Variants in FLNB observed in about 807,000 individuals in gnomAD.
The protein encoded by FLNB is filamin B, also known as filamin-B.
A neutral mutation model predicts 250.6 loss-of-function variants in FLNB; 111 were observed. The observed-to-expected ratio is 0.44, with a 90% CI of 0.38 to 0.52. FLNB has a LOEUF of 0.52. Ranked by LOEUF, FLNB falls within the 20% of genes least tolerant of loss-of-function variation. FLNB has a pLI of 0.00. For synonymous variants in FLNB, 1,302 were observed against 1,372.1 expected (o/e 0.95, Z 1.13); for missense variants, 2,869 against 3,447.8 (o/e 0.83, Z 4.20).
intron 1 of FLNB, among the ~76,000 whole-genome samples, chr3:58,051,317 C>G (rs564189265): frequency 2.0e-5 from 3 of 152,296 alleles, no homozygotes; most frequent in African/African-American, 7.2e-5. Flanking sequence ...AGGGACTGGC[C>G]GAATCATCCC....
chr3:58,106,492 A>T (rs529955034), intron 11 of FLNB, among the ~76,000 whole-genome samples, 188 bp from the exon 12 acceptor site: 10 of 151,014 alleles, frequency 6.6e-5, no homozygotes, highest in Admixed American at 4.6e-4. Context: ...ATATATATAT[A>T]TTTTCCACCC....
At chr3:58,078,997 G>T (rs1218884208) in intron 3 of FLNB, among the ~76,000 whole-genome samples, 183 bp downstream of exon 3, 13 of 152,192 alleles carry the variant, frequency 8.5e-5, no homozygotes, top group Middle Eastern at 3.2e-3. Context: ...TGACTCAGGT[G>T]CTTATAGATC....
intron 43 of FLNB, among the ~76,000 whole-genome samples, chr3:58,167,460 A>G (rs2097372633): frequency 6.6e-6 from 1 of 152,214 alleles, no homozygotes; most frequent in Non-Finnish European, 1.5e-5. Flanking sequence ...AAACCAAAAT[A>G]TTTCCCAGCT....
chr3:58,026,942 C>T lies in FLNB; in HGVS notation c.292+18086C>T, dbSNP rs116612341. On this transcript the variant is annotated intron_variant, in intron 1 of 45. Transcript: ENST00000295956. ...AATTCGTCAGCCTGGGTACTTTTTCCATGTGATGGGGCAAAAATTTAAAAC... is the reference window on the plus strand; with the variant it reads ...AATTCGTCAGCCTGGGTACTTTTTCTATGTGATGGGGCAAAAATTTAAAAC... 4.8e-3 allele frequency among the ~76,000 whole-genome samples: 727 copies of T among 152,204 alleles called. 8 individuals carry two copies. Among genetic ancestry groups the T allele is most frequent in the African/African-American group, 0.017 (696 of 41,522 alleles).
intron 1 of FLNB, among the ~76,000 whole-genome samples, chr3:58,013,945 G>A (rs1377722156): frequency 1.3e-5 from 2 of 152,194 alleles, no homozygotes; most frequent in African/African-American, 4.8e-5. Context: ...AAGGATTCTT[G>A]GTTCAAATCC....
chr3:58,156,024 G>A lies in FLNB; in HGVS notation c.6837G>A (p.Pro2279=), dbSNP rs146734593. Residue 2279 remains proline (P), a synonymous_variant, in exon 41 of 46, where the codon CCG becomes CCA. Transcript: ENST00000295956. The part of the protein sequence containing the change: ...EHIPESPYLV[P]VIAPSDDARR... ...TCCCGGAAAGCCCCTACCTGGTGCC[G>A]GTCATCGCACCCTCCGACGACGCCC... The A allele has an allele frequency of 7.2e-5, 116 of 1,614,124 alleles. No individual in the cohort carries two copies. The highest frequency in any genetic ancestry group is 6.3e-4 in the Admixed American group (38 of 60,026).
intron 1 of FLNB, among the ~76,000 whole-genome samples, chr3:58,020,007 C>T (rs2097111294): frequency 6.6e-6 from 1 of 151,530 alleles, no homozygotes; most frequent in African/African-American, 2.4e-5. Context: ...TGGAACTCCC[C>T]CTGGCTGCAG....
intron 12 of FLNB, among the ~76,000 whole-genome samples, chr3:58,107,438 T>C (rs1252287087): frequency 6.6e-6 from 1 of 152,188 alleles, no homozygotes; most frequent in Non-Finnish European, 1.5e-5. Context: ...ACAGGAATGA[T>C]AGTAGTCTCT....
chr3:58,096,000 G>T, intron 5 of FLNB, 141 bp from the exon 6 acceptor site: 1 of 702,642 alleles, frequency 1.4e-6, no homozygotes, highest in South Asian at 1.5e-5. Flanking sequence ...TCTCTCTAGG[G>T]GCGTTGTGCA....
chr3:58,104,167 C>A, intron 10 of FLNB, 82 bp downstream of exon 10: 1 of 1,444,794 alleles, frequency 6.9e-7, no homozygotes, highest in Non-Finnish European at 9.5e-7. Flanking sequence ...TCCCGGGCTG[C>A]AGGAGGGAAA....
intron 8 of FLNB, among the ~76,000 whole-genome samples, chr3:58,101,567 A>G (rs543575957): frequency 1.5e-4 from 23 of 152,328 alleles, no homozygotes; most frequent in Admixed American, 1.4e-3. Context: ...GAAATCAGCA[A>G]TGGTGTTTAC....
intron 1 of FLNB, among the ~76,000 whole-genome samples, chr3:58,041,218 C>T (rs1183547366): frequency 6.6e-6 from 1 of 152,186 alleles, no homozygotes; most frequent in Non-Finnish European, 1.5e-5. Context: ...TAACTTGATT[C>T]TTTTTGCTTT....
chr3:58,109,064 G>T lies in FLNB; in HGVS notation c.2056-115G>T, dbSNP rs2097264260. 6 of 1,224,474 alleles carry T rather than the reference G, an allele frequency of 4.9e-6. No homozygotes were observed. In the South Asian group the frequency reaches 5.0e-5, roughly 10 times the overall value. The allele number at this position is 1,224,474 out of a possible 1,614,324, so 75.9% of individuals were successfully genotyped here. A position where few individuals can be genotyped will look rare whatever the true frequency, so the allele number is the denominator to read the frequency against. On this transcript the variant is annotated intron_variant, in intron 13 of 45. Coordinates refer to ENST00000295956, the MANE Select transcript of FLNB (RefSeq NM_001457.4). The stretch of plus-strand genomic sequence containing the variant: ...ATATGGCACATTGTAGTTGGTCCAT[G>T]AAGTTTTGTTGTATAAGCAAGTGGT...
chr3:58,097,110 A>G (rs996610176), intron 6 of FLNB, among the ~76,000 whole-genome samples: 1 of 152,206 alleles, frequency 6.6e-6, no homozygotes, highest in East Asian at 1.9e-4. Context: ...TCAACAGCAC[A>G]TAAAGGCCAA....
Position 58,125,594 on chromosome 3 carries a change from G to A in FLNB, c.3912G>A (p.Val1304=). 1 of 1,614,196 alleles carries A rather than the reference G, an allele frequency of 6.2e-7. No individual in the cohort carries two copies. The highest frequency in any genetic ancestry group is 8.5e-7 in the Non-Finnish European group (1 of 1,180,036). ...YTPFEKGLHV[V]EVTYDDVPIP... Reference sequence around the variant, plus strand: ...TGTTTTGAGCAGGTCTCCATGTAGTGGAGGTGACATATGATGACGTGCCTA... The same window carrying A: ...TGTTTTGAGCAGGTCTCCATGTAGTAGAGGTGACATATGATGACGTGCCTA... Residue 1304 remains valine (V), a synonymous_variant, in exon 23 of 46, where the codon GTG becomes GTA. Transcript: ENST00000295956.
intron 3 of FLNB, among the ~76,000 whole-genome samples, chr3:58,080,360 C>G (rs2097207410): frequency 6.6e-6 from 1 of 152,204 alleles, no homozygotes; most frequent in Admixed American, 6.5e-5. Context: ...AGGGAGGACT[C>G]TGCAAGCTGT....
intron 38 of FLNB, 87 bp downstream of exon 38, chr3:58,150,314 G>A: frequency 6.8e-7 from 1 of 1,480,500 alleles, no homozygotes; most frequent in South Asian, 1.1e-5. Context: ...TTTAGGCATG[G>A]CCCAGAACAC....
intron 42 of FLNB, 95 bp downstream of exon 42, chr3:58,159,781 AT>A (rs1484893102): frequency 6.6e-5 from 88 of 1,333,274 alleles, no homozygotes; most frequent in Non-Finnish European, 8.8e-5. Context: ...GATCAGTTTC[AT>A]TACTGCCAGT....
chr3:58,113,063 C>T (rs1048632307), intron 18 of FLNB, among the ~76,000 whole-genome samples: 1 of 152,068 alleles, frequency 6.6e-6, no homozygotes, highest in Non-Finnish European at 1.5e-5. Flanking sequence ...CAAAATTTAC[C>T]GTCTTAACCA....
Sources: allele counts gnomAD v4.1 joint callset (sites outside exome capture counted in the v4.1 genomes callset), GRCh38; gene constraint gnomAD v4.1.1; transcripts MANE v1.5; gene names NCBI Gene and HGNC (gene_info 2026-07-23, HGNC 2026-07-21).